DCDC1: variants seen among roughly 807,000 people sequenced by gnomAD.
DCDC1 encodes doublecortin domain containing 1.
DCDC1 carries 200 observed loss-of-function variants against 178.3 expected under a neutral mutation model. The observed-to-expected ratio is 1.12, with a 90% CI of 1.00 to 1.26. The LOEUF is 1.26. DCDC1 is among the 50% of genes most tolerant of loss of function. DCDC1 has a pLI of 0.00. For missense variants in DCDC1, 1,983 were observed against 1,749.2 expected (o/e 1.13, Z -2.38); for synonymous variants, 690 against 604.8 (o/e 1.14, Z -2.07).
chr11:31,077,603 A>C (rs1956944328), intron 18 of DCDC1, among the ~76,000 whole-genome samples: 1 of 152,186 alleles, frequency 6.6e-6, no homozygotes, highest in Non-Finnish European at 1.5e-5. Flanking sequence ...TGTAGAAGAA[A>C]ACTGATGCCC....
At chr11:31,007,173 A>C (rs1167638049) in intron 20 of DCDC1, among the ~76,000 whole-genome samples, 1 of 152,218 alleles carries the variant, frequency 6.6e-6, no homozygotes, top group Non-Finnish European at 1.5e-5. Flanking sequence ...TGTGCATAGG[A>C]AGAATAAAAA....
chr11:31,185,948 T>G (rs1969426742), intron 9 of DCDC1, among the ~76,000 whole-genome samples: 2 of 152,182 alleles, frequency 1.3e-5, no homozygotes, highest in African/African-American at 4.8e-5. Context: ...ACTATGAATA[T>G]AGCAAATTGG....
At chr11:30,896,628 C>T (rs1025673484) in intron 34 of DCDC1, among the ~76,000 whole-genome samples, 7 of 152,196 alleles carry the variant, frequency 4.6e-5, no homozygotes, top group Admixed American at 4.6e-4. Flanking sequence ...ATTGCCTTTA[C>T]ATGTAACACT....
chr11:30,888,785 C>G (rs2134027538), intron 36 of DCDC1, among the ~76,000 whole-genome samples: 1 of 152,276 alleles, frequency 6.6e-6, no homozygotes, highest in East Asian at 1.9e-4. Flanking sequence ...TCAAATGTAT[C>G]TAAATTTACT....
At chr11:30,895,045 T>C (rs1001779918) in intron 34 of DCDC1, among the ~76,000 whole-genome samples, 1 of 152,212 alleles carries the variant, frequency 6.6e-6, no homozygotes, top group African/African-American at 2.4e-5. Flanking sequence ...AAAATAGTTA[T>C]AAAAGAGGTT....
intron 18 of DCDC1, among the ~76,000 whole-genome samples, chr11:31,077,354 T>C (rs574354498): frequency 3.9e-5 from 6 of 152,354 alleles, no homozygotes; most frequent in Admixed American, 2.0e-4. Context: ...GAATACACAG[T>C]GTCTAATACA....
At chr11:30,873,358 TATATATAGAG>T (rs1316657323) in intron 38 of DCDC1, among the ~76,000 whole-genome samples, 2 of 138,060 alleles carry the variant, frequency 1.4e-5, no homozygotes, top group African/African-American at 5.7e-5. Flanking sequence ...TATATATATA[TATATATAGAG>T]AGAGAGAGAG....
At chr11:31,105,839 C>A (rs562190880) in intron 13 of DCDC1, among the ~76,000 whole-genome samples, 1 of 152,190 alleles carries the variant, frequency 6.6e-6, no homozygotes, top group Non-Finnish European at 1.5e-5. Flanking sequence ...AATCCAATAG[C>A]CCTTGCTTTG....
chr11:31,009,438 TTGTG>T lies in DCDC1; in HGVS notation c.2591+55027_2591+55030del, dbSNP rs139389381. On this transcript the variant is annotated intron_variant, in intron 20 of 38. Coordinates refer to ENST00000684477, the MANE Select transcript of DCDC1 (RefSeq NM_001387274.1). ...ACACAATTATTGTCTCACAGTTTCT[TTGTG>T]TGTGTGTGTGTGTGTGTGTGTGTGT... 3.8e-3 allele frequency among the ~76,000 whole-genome samples: 546 copies of T among 144,490 alleles called. 1 individual carries two copies. The highest frequency in any genetic ancestry group is 8.4e-3 in the African/African-American group (330 of 39,296). 94.8% of individuals were successfully genotyped at this position (144,490 alleles called of 152,430 possible).
chr11:30,886,355 T>A (rs1943171516), intron 36 of DCDC1, among the ~76,000 whole-genome samples: 1 of 152,202 alleles, frequency 6.6e-6, no homozygotes, highest in South Asian at 2.1e-4. Context: ...GGTTTTATTT[T>A]ATTATTTTTC....
chr11:30,984,628 T>A (rs531804751), intron 20 of DCDC1, among the ~76,000 whole-genome samples: 1 of 152,298 alleles, frequency 6.6e-6, no homozygotes, highest in South Asian at 2.1e-4. Flanking sequence ...AAGGTGGGCG[T>A]AACGTGACGT....
At chr11:31,270,926 C>A (rs150086670) in intron 7 of DCDC1, among the ~76,000 whole-genome samples, 1 of 152,290 alleles carries the variant, frequency 6.6e-6, no homozygotes, top group African/African-American at 2.4e-5. Context: ...TGCTGCTGGA[C>A]AAAGTCACAC....
intron 21 of DCDC1, among the ~76,000 whole-genome samples, chr11:30,939,280 C>G (rs1279855814): frequency 6.6e-6 from 1 of 152,146 alleles, no homozygotes; most frequent in African/African-American, 2.4e-5. Flanking sequence ...GAGCGGGCCA[C>G]CTAAATTGGT....
At chr11:30,988,313 A>G (rs185792603) in intron 20 of DCDC1, among the ~76,000 whole-genome samples, 1 of 152,314 alleles carries the variant, frequency 6.6e-6, no homozygotes, top group East Asian at 1.9e-4. Context: ...AGGCATGGAA[A>G]TAAATGAACA....
intron 9 of DCDC1, among the ~76,000 whole-genome samples, chr11:31,168,248 T>C (rs1591289775): frequency 6.6e-6 from 1 of 152,172 alleles, no homozygotes; most frequent in Admixed American, 6.6e-5. Flanking sequence ...AGCACCTCAC[T>C]ATATGTTGTC....
chr11:31,156,465 T>C (rs1017076127), intron 9 of DCDC1, among the ~76,000 whole-genome samples: 1 of 152,154 alleles, frequency 6.6e-6, no homozygotes, highest in African/African-American at 2.4e-5. Flanking sequence ...GGCACACATG[T>C]AATTTTAAAT....
At chr11:31,364,154 AGCTATGATGTGCAGTAG>A (rs1165378354) in intron 1 of DCDC1, among the ~76,000 whole-genome samples, 1 of 152,184 alleles carries the variant, frequency 6.6e-6, no homozygotes, top group Non-Finnish European at 1.5e-5. Flanking sequence ...GGCTATGTTA[AGCTATGATGTGCAGTAG>A]GCTAGATGTA....
intron 16 of DCDC1, 65 bp downstream of exon 16, chr11:31,093,985 C>T: frequency 4.1e-6 from 3 of 735,048 alleles, no homozygotes; most frequent in South Asian, 2.8e-5. Flanking sequence ...CACCAGGTGC[C>T]AGCAAGTGCC....
intron 20 of DCDC1, among the ~76,000 whole-genome samples, chr11:31,061,890 CTG>C (rs1156457916): frequency 6.6e-6 from 1 of 152,124 alleles, no homozygotes; most frequent in Non-Finnish European, 1.5e-5. Flanking sequence ...ATTAACTGCG[CTG>C]TCTTTTTTGG....
Sources: allele counts gnomAD v4.1 joint callset (sites outside exome capture counted in the v4.1 genomes callset), GRCh38; gene constraint gnomAD v4.1.1; transcripts MANE v1.5; gene names NCBI Gene and HGNC (gene_info 2026-07-23, HGNC 2026-07-21).